Variants in SLC30A8 observed in about 807,000 individuals in gnomAD.
SLC30A8 encodes the protein proton-coupled zinc antiporter SLC30A8.
In SLC30A8, 27 loss-of-function variants were observed where a neutral mutation model predicts 36.9. That is an observed-to-expected ratio of 0.73 (90% confidence interval 0.54 to 1.01). SLC30A8 has a LOEUF of 1.01. SLC30A8 is among the 50% of genes least tolerant of loss of function. The probability of loss-of-function intolerance (pLI) is 0.00; values close to 1 mark genes in which losing one functional copy is unlikely to be tolerated. For synonymous variants in SLC30A8, 164 were observed against 172.4 expected (o/e 0.95, Z 0.38); for missense variants, 439 against 452.0 (o/e 0.97, Z 0.26).
intron 2 of SLC30A8, among the ~76,000 whole-genome samples, chr8:117,061,001 A>G (rs1818010004): frequency 6.6e-6 from 1 of 152,058 alleles, no homozygotes; most frequent in African/African-American, 2.4e-5. Flanking sequence ...GTCTGTAAAG[A>G]ATTAGAAGAC....
intron 1 of SLC30A8, among the ~76,000 whole-genome samples, chr8:116,970,269 T>A (rs1814748558): frequency 6.6e-6 from 1 of 152,168 alleles, no homozygotes; most frequent in Admixed American, 6.5e-5. Context: ...TGGAAGGACT[T>A]TAGGGGCAAT....
At chr8:117,158,790 A>T (rs533024255) in intron 4 of SLC30A8, among the ~76,000 whole-genome samples, 1 of 152,272 alleles carries the variant, frequency 6.6e-6, no homozygotes, top group Admixed American at 6.5e-5. Context: ...CCATCTATCT[A>T]TCTAGTGATC....
At chr8:116,972,596 T>C (rs1410320394) in intron 1 of SLC30A8, among the ~76,000 whole-genome samples, 1 of 152,196 alleles carries the variant, frequency 6.6e-6, no homozygotes, top group Non-Finnish European at 1.5e-5. Flanking sequence ...TTAATTATTA[T>C]ACTGGACTAA....
Position 117,167,522 on chromosome 8 carries a change from T to A in SLC30A8, c.830-3512T>A, listed in dbSNP as rs185447068. On this transcript the variant is annotated intron_variant, in intron 6 of 7. Transcript: ENST00000456015. ...ACATACATGTATATGTATATGTGTATGTGATGTAAGTGTGTACCTTTTTTT... is the reference window on the plus strand; with the variant it reads ...ACATACATGTATATGTATATGTGTAAGTGATGTAAGTGTGTACCTTTTTTT... Among the ~76,000 whole-genome samples the A allele has an allele frequency of 2.7e-5, 4 of 150,444 alleles. No homozygotes were observed. The East Asian group carries it at 7.8e-4, about 29-fold the overall frequency.
chr8:117,136,260 G>A (rs1324957054), intron 1 of SLC30A8, among the ~76,000 whole-genome samples: 1 of 151,940 alleles, frequency 6.6e-6, no homozygotes, highest in African/African-American at 2.4e-5. Flanking sequence ...CCCAGACTTC[G>A]ATAATTGCAC....
At chr8:117,125,113 A>G (rs2130909689) in intron 2 of SLC30A8, among the ~76,000 whole-genome samples, 1 of 152,106 alleles carries the variant, frequency 6.6e-6, no homozygotes, top group African/African-American at 2.4e-5. Flanking sequence ...GAGGGTTAAG[A>G]ACTAACAAAC....
rs533511418 is a variant in SLC30A8, at chr8:117,008,854, C to T, written c.-265-30365C>T. On this transcript the variant is annotated intron_variant, in intron 1 of 10. Coordinates refer to the SLC30A8 transcript ENST00000427715. ...TATCTTAGTTTCTATTTCTTCTTAA[C>T]CCTTATCAGCCCAGTGTTTTTAGGG... is the stretch of plus-strand genomic sequence containing the variant. Among the ~76,000 whole-genome samples, 9 of 152,252 alleles carry T rather than the reference C, an allele frequency of 5.9e-5. No individual in the cohort carries two copies. The East Asian group carries it at 1.5e-3, about 26-fold the overall frequency.
rs1819409484 is a variant in SLC30A8 at position 117,097,232 on chromosome 8, T to C, written c.-225-38048T>C. Among the ~76,000 whole-genome samples the C allele has an allele frequency of 2.7e-5, 4 of 149,932 alleles. No homozygotes were observed. In the South Asian group the frequency reaches 8.4e-4, roughly 31 times the overall value. On this transcript the variant is annotated intron_variant, in intron 2 of 10. Coordinates refer to the SLC30A8 transcript ENST00000427715. ...GGCTAACATGGTGAAAACCTGTCTC[T>C]ACTAAAAATACAAAAAATTAGCCGG...
chr8:117,049,105 A>C (rs1563568221), intron 2 of SLC30A8, among the ~76,000 whole-genome samples: 1 of 152,204 alleles, frequency 6.6e-6, no homozygotes, highest in Non-Finnish European at 1.5e-5. Context: ...GATCAAAATG[A>C]GGGCTTTGTA....
At chr8:117,072,304 C>A (rs184782771) in intron 2 of SLC30A8, among the ~76,000 whole-genome samples, 1 of 152,254 alleles carries the variant, frequency 6.6e-6, no homozygotes, top group Non-Finnish European at 1.5e-5. Flanking sequence ...ATTTGACCAT[C>A]TAGAGTGAAT....
intron 1 of SLC30A8, among the ~76,000 whole-genome samples, chr8:117,030,007 A>C (rs1179048800): frequency 6.6e-6 from 1 of 152,190 alleles, no homozygotes; most frequent in Non-Finnish European, 1.5e-5. Context: ...AAGTTTGATG[A>C]AAATGTAGCA....
At chr8:117,150,308 T>C (rs1822118264) in intron 2 of SLC30A8, among the ~76,000 whole-genome samples, 1 of 152,208 alleles carries the variant, frequency 6.6e-6, no homozygotes, top group Admixed American at 6.5e-5. Flanking sequence ...AAACATTCTT[T>C]CATTGCTGTC....
chr8:117,044,961 C>T (rs1294172894), intron 2 of SLC30A8, among the ~76,000 whole-genome samples: 3 of 152,194 alleles, frequency 2.0e-5, no homozygotes, highest in African/African-American at 7.2e-5. Flanking sequence ...TGGCTCCATC[C>T]ACAAGATGCA....
At chr8:116,951,932 G>T (rs960815014) in intron 1 of SLC30A8, among the ~76,000 whole-genome samples, 1 of 151,974 alleles carries the variant, frequency 6.6e-6, no homozygotes, top group Non-Finnish European at 1.5e-5. Context: ...AATTCAATAA[G>T]ATATTATGAT....
chr8:117,161,001 CTTAAAG>C (rs1342886135), intron 4 of SLC30A8, among the ~76,000 whole-genome samples: 1 of 152,184 alleles, frequency 6.6e-6, no homozygotes, highest in Non-Finnish European at 1.5e-5. Context: ...TCTAATACCT[CTTAAAG>C]TTATAGATAA....
At chr8:117,153,723 G>GGGGTGTGTGTGT (rs1554591091) in intron 3 of SLC30A8, among the ~76,000 whole-genome samples, 1 of 146,910 alleles carries the variant, frequency 6.8e-6, no homozygotes, top group Non-Finnish European at 1.5e-5. Context: ...CATGATAAGG[G>GGGGTGTGTGTGT]GTGTGTGTGT....
At chr8:117,003,835 A>G (rs936874105) in intron 1 of SLC30A8, among the ~76,000 whole-genome samples, 1 of 152,202 alleles carries the variant, frequency 6.6e-6, no homozygotes, top group African/African-American at 2.4e-5. Context: ...TGTTTGTCAT[A>G]TGGGCCAGAG....
chr8:117,098,008 ATATT>A (rs1250535915), intron 2 of SLC30A8, among the ~76,000 whole-genome samples: 10 of 131,242 alleles, frequency 7.6e-5, no homozygotes, highest in Non-Finnish European at 1.1e-4. Flanking sequence ...TATATAATAT[ATATT>A]TATTTTAAAT....
At chr8:117,041,883 T>C (rs530479143) in intron 2 of SLC30A8, among the ~76,000 whole-genome samples, 1 of 152,268 alleles carries the variant, frequency 6.6e-6, no homozygotes, top group South Asian at 2.1e-4. Flanking sequence ...CATTCGGTGT[T>C]TTCATTTGGG....
Sources: gnomAD v4.1 joint callset for allele counts (sites outside exome capture counted in the v4.1 genomes callset) on GRCh38, gnomAD v4.1.1 for gene constraint, MANE v1.5 for transcripts, NCBI Gene and HGNC (gene_info 2026-07-23, HGNC 2026-07-21) for gene names.